Variants in PPP6R3 observed in about 807,000 individuals in gnomAD.
PPP6R3 encodes serine/threonine-protein phosphatase 6 regulatory subunit 3.
Under a neutral mutation model 110.7 loss-of-function variants are expected in PPP6R3, and 38 were observed. The ratio of observed to expected loss-of-function variants is 0.34; its 90% confidence interval spans 0.26 to 0.45. PPP6R3 has a LOEUF of 0.45. Among genes scored for constraint, PPP6R3 ranks in the 20% least tolerant of loss-of-function variants. The pLI is 1.00. For synonymous variants in PPP6R3, 369 were observed against 373.5 expected (o/e 0.99, Z 0.14); for missense variants, 870 against 1,062.4 (o/e 0.82, Z 2.52).
chr11:68,588,195 G>A (rs72938933), intron 16 of PPP6R3, among the ~76,000 whole-genome samples, 171 bp downstream of exon 16: 50 of 152,216 alleles, frequency 3.3e-4, no homozygotes, highest in Non-Finnish European at 5.9e-4. Flanking sequence ...TGGATAATTA[G>A]GACTTAAAAT....
chr11:68,527,586 T>C (rs2099206367), intron 2 of PPP6R3, among the ~76,000 whole-genome samples: 1 of 151,580 alleles, frequency 6.6e-6, no homozygotes, highest in African/African-American at 2.4e-5. Flanking sequence ...ATCAGTGTCA[T>C]CTCCACGTCA....
intron 1 of PPP6R3, among the ~76,000 whole-genome samples, chr11:68,479,709 A>G (rs2098888070): frequency 6.6e-6 from 1 of 151,186 alleles, no homozygotes; most frequent in Non-Finnish European, 1.5e-5. Flanking sequence ...TAGAGTTCTT[A>G]TTTCTTATCC....
chr11:68,496,201 T>C (rs1043331046), intron 1 of PPP6R3, among the ~76,000 whole-genome samples: 2 of 151,824 alleles, frequency 1.3e-5, no homozygotes, highest in African/African-American at 4.8e-5. Flanking sequence ...TTTTTGTTGT[T>C]GTTAAGACAA....
intron 21 of PPP6R3, 49 bp from the exon 22 acceptor site, chr11:68,603,293 G>A (rs1445729717): frequency 1.2e-6 from 2 of 1,605,766 alleles, no homozygotes; most frequent in South Asian, 2.2e-5. Flanking sequence ...TGGGGTGCCA[G>A]TTCCTTTTCG....
intron 1 of PPP6R3, among the ~76,000 whole-genome samples, chr11:68,518,141 G>A (rs531987926): frequency 6.6e-6 from 1 of 152,244 alleles, no homozygotes; most frequent in South Asian, 2.1e-4. Flanking sequence ...AAAACTACTG[G>A]ATGAACGTTG....
At chr11:68,536,799 C>T (rs1161880547) in intron 2 of PPP6R3, among the ~76,000 whole-genome samples, 1 of 152,112 alleles carries the variant, frequency 6.6e-6, no homozygotes, top group Non-Finnish European at 1.5e-5. Context: ...AGGAATTCTG[C>T]AGTGAGCATT....
chr11:68,599,268 A>G (rs1230268949), intron 19 of PPP6R3, among the ~76,000 whole-genome samples: 1 of 152,218 alleles, frequency 6.6e-6, no homozygotes, highest in Non-Finnish European at 1.5e-5. Flanking sequence ...AGGATTCAGC[A>G]CTCTGTGAAG....
At chr11:68,511,530 G>A (rs564760824) in intron 1 of PPP6R3, among the ~76,000 whole-genome samples, 1 of 129,706 alleles carries the variant, frequency 7.7e-6, no homozygotes, top group Non-Finnish European at 1.6e-5. Context: ...GCCCAGGCTG[G>A]AGTGCAGTGT....
intron 2 of PPP6R3, among the ~76,000 whole-genome samples, chr11:68,524,298 AAT>A (rs1177880819): frequency 1.3e-5 from 2 of 152,092 alleles, no homozygotes; most frequent in African/African-American, 4.8e-5. Context: ...TAAGCTTTTA[AAT>A]ATATTCAAAG....
chr11:68,551,308 C>T lies in PPP6R3; in HGVS notation c.618+122C>T, dbSNP rs192711864. ...TCAGAGCATACAGGGAGAATAGCAG[C>T]GATCTAGTGTTCTTAAAGTTGATAC... On this transcript the variant is annotated intron_variant, in intron 6 of 23. Transcript: ENST00000393800. 2.0e-4 allele frequency: 142 copies of T among 705,672 alleles called. 1 individual carries two copies. In the Middle Eastern group the frequency reaches 2.9e-3, roughly 14 times the overall value. The allele number at this position is 705,672 out of a possible 1,614,324, so 43.7% of individuals were successfully genotyped here.
chr11:68,609,944 A>G lies in PPP6R3; in HGVS notation c.2491A>G (p.Lys831Glu), dbSNP rs1427602549. The change falls in exon 23 of 24, where the codon AAA becomes GAA. Residue 831 changes from lysine (K) to glutamate (E), a missense_variant. Transcript: ENST00000393800. ...GTCTACCTCTCAAGATGCTGCTTGTAAAGACGCAGAGGAGTGTCCCGAGAC... is the reference window on the plus strand; with the variant it reads ...GTCTACCTCTCAAGATGCTGCTTGTGAAGACGCAGAGGAGTGTCCCGAGAC... ...KLSTSQDAAC[K>E]DAEECPETAE... The G allele has an allele frequency of 6.2e-7, 1 of 1,614,132 alleles. No homozygotes were observed. Among genetic ancestry groups the G allele is most frequent in the South Asian group, 1.1e-5 (1 of 91,086 alleles).
chr11:68,541,139 T>A (rs1409962585), intron 3 of PPP6R3, among the ~76,000 whole-genome samples: 1 of 152,226 alleles, frequency 6.6e-6, no homozygotes, highest in Non-Finnish European at 1.5e-5. Context: ...ATCACAAAAG[T>A]ATTAATTTGG....
intron 10 of PPP6R3, among the ~76,000 whole-genome samples, chr11:68,569,175 G>A (rs117504684): frequency 3.0e-4 from 46 of 152,224 alleles, no homozygotes; most frequent in Non-Finnish European, 5.4e-4. Context: ...TCTTGTCTTT[G>A]TATGTTTGTT....
chr11:68,608,724 C>G (rs563136935), intron 22 of PPP6R3, among the ~76,000 whole-genome samples: 2 of 152,122 alleles, frequency 1.3e-5, no homozygotes, highest in South Asian at 2.1e-4. Flanking sequence ...GTGGGTCTCC[C>G]CGACTTGCTG....
rs191054165 is a variant in PPP6R3, at chr11:68,500,017, T to C, written c.-157-19484T>C. The stretch of plus-strand genomic sequence containing the variant: ...AGGTGAAGGAGTTCTATTAAATCTT[T>C]TTTTCTTTATTGTCAATTTTGTCCA... On this transcript the variant is annotated intron_variant, in intron 1 of 23. Coordinates refer to ENST00000393800, the MANE Select transcript of PPP6R3 (RefSeq NM_001164161.2). Among the ~76,000 whole-genome samples the C allele has an allele frequency of 7.2e-5, 11 of 152,322 alleles. No homozygotes were observed. The East Asian group carries it at 2.1e-3, about 29-fold the overall frequency.
intron 8 of PPP6R3, among the ~76,000 whole-genome samples, chr11:68,563,042 T>C (rs561208585): frequency 2.6e-4 from 39 of 151,040 alleles, no homozygotes; most frequent in African/African-American, 9.0e-4. Context: ...ATATGGTGGC[T>C]CATGCCTAGC....
In PPP6R3 at chr11:68,558,769, G is replaced by C. The variant is rs189854060; in HGVS notation, c.845+90G>C. ...TTCTTAGTGGATAAGCTGTAATAGC[G>C]TACCTTTGAATTGCAGTTGCTGATT... is the stretch of plus-strand genomic sequence containing the variant. On this transcript the variant is annotated intron_variant, in intron 8 of 23. Transcript: ENST00000393800. The C allele has an allele frequency of 8.5e-6, 8 of 938,186 alleles. No individual in the cohort carries two copies. In the South Asian group the frequency reaches 8.8e-5, roughly 10 times the overall value. 58.1% of individuals were successfully genotyped at this position (938,186 alleles called of 1,614,324 possible).
intron 3 of PPP6R3, among the ~76,000 whole-genome samples, chr11:68,543,277 G>T (rs1443024997): frequency 1.3e-5 from 2 of 152,138 alleles, no homozygotes; most frequent in African/African-American, 2.4e-5. Flanking sequence ...TGTAACCGCT[G>T]CATCAGCCCA....
chr11:68,573,134 A>ATATATATATATATATATG (rs2099515623), intron 12 of PPP6R3, among the ~76,000 whole-genome samples: 1 of 109,450 alleles, frequency 9.1e-6, no homozygotes, highest in African/African-American at 3.9e-5. Context: ...ATATATATAT[A>ATATATATATATATATATG]TATATATATA....
Sources: gnomAD v4.1 joint callset for allele counts (sites outside exome capture counted in the v4.1 genomes callset) on GRCh38, gnomAD v4.1.1 for gene constraint, MANE v1.5 for transcripts, NCBI Gene and HGNC (gene_info 2026-07-23, HGNC 2026-07-21) for gene names.